The following FBXL14 variants were observed in gnomAD, a reference collection of about 807,000 sequenced individuals.
The protein encoded by FBXL14 is F-box and leucine rich repeat protein 14.
Under a neutral mutation model 24.5 loss-of-function variants are expected in FBXL14, and 11 were observed. The observed-to-expected ratio is 0.45, with a 90% CI of 0.28 to 0.74. The LOEUF (loss-of-function observed/expected upper bound fraction) is 0.74, where lower values mean the gene tolerates loss of function less well. Among genes scored for constraint, FBXL14 ranks in the 30% least tolerant of loss-of-function variants. The pLI is 0.12. For missense variants in FBXL14, 384 were observed against 545.6 expected, an observed-to-expected ratio of 0.70 and a Z score of 2.95; for synonymous variants, 294 against 240.4, an observed-to-expected ratio of 1.22 and a Z score of -2.06.
intron 1 of FBXL14, among the ~76,000 whole-genome samples, chr12:1,572,448 T>A (rs573577220): frequency 3.0e-4 from 46 of 152,356 alleles, no homozygotes; most frequent in African/African-American, 1.1e-3. Context: ...AAGAACATTT[T>A]GATTTGGCTT....
chr12:1,572,176 A>G (rs947464313), intron 1 of FBXL14, among the ~76,000 whole-genome samples: 1 of 152,250 alleles, frequency 6.6e-6, no homozygotes, highest in African/African-American at 2.4e-5. Flanking sequence ...AGGATAGAGC[A>G]TTTTAGGTGA....
Position 1,567,898 on chromosome 12 carries a change from C to T in FBXL14, c.1195-1088G>A, listed in dbSNP as rs1272862356. Among the ~76,000 whole-genome samples the T allele has an allele frequency of 3.3e-5, 5 of 152,100 alleles. No homozygotes were observed. Among genetic ancestry groups the T allele is most frequent in the South Asian group, 4.2e-4 (2 of 4,818 alleles). On this transcript the variant is annotated intron_variant, in intron 1 of 1. Transcript: ENST00000339235. This position sits in a 1 kb window ranked among gnomAD's most constrained non-coding sequence, Gnocchi z 4.8. ...ACCCACACGCACACGCGCGCACACACGTGCGCACACACACAGAACAGAATA... is the reference window on the plus strand; with the variant it reads ...ACCCACACGCACACGCGCGCACACATGTGCGCACACACACAGAACAGAATA...
intron 1 of FBXL14, among the ~76,000 whole-genome samples, chr12:1,578,798 C>T (rs776510833): frequency 4.6e-5 from 7 of 152,088 alleles, no homozygotes; most frequent in Non-Finnish European, 4.4e-5. Flanking sequence ...GGGGCGGCTT[C>T]GGAGCAGCTC....
intron 1 of FBXL14, among the ~76,000 whole-genome samples, chr12:1,568,420 T>C (rs1002313331): frequency 6.6e-6 from 1 of 152,168 alleles, no homozygotes; most frequent in African/African-American, 2.4e-5. Context: ...AGAAATTCTT[T>C]AGAGAGAAAG....
chr12:1,593,879 GGGAACAGCGACGGGTTGGCCCGGCGCA>G lies in FBXL14; in HGVS notation c.161_187del (p.Leu54_Phe62del). 6.2e-7 allele frequency: 1 copy of G among 1,610,692 alleles called. No homozygotes were observed. The highest frequency in any genetic ancestry group is 8.5e-7 in the Non-Finnish European group (1 of 1,179,658). On this transcript the variant is annotated inframe_deletion, in exon 1 of 2. Transcript: ENST00000339235. The surrounding 1 kb of genome is among the most constrained non-coding windows in gnomAD (Gnocchi z 7.4). ...GCGGATGCCCCGGGCCTGCAGGCTG[GGGAACAGCGACGGGTTGGCCCGGCGCA>G]GGTGCAGCTTGGCCTCCACCCCCCG... is the stretch of plus-strand genomic sequence containing the variant.
At chr12:1,592,188 A>ATG (rs1343675980) in intron 1 of FBXL14, among the ~76,000 whole-genome samples, 10 of 145,580 alleles carry the variant, frequency 6.9e-5, no homozygotes, top group South Asian at 4.2e-4. Context: ...AGACATATAT[A>ATG]TGTATATATA....
chr12:1,571,444 G>A (rs186023676), intron 1 of FBXL14, among the ~76,000 whole-genome samples: 82 of 152,244 alleles, frequency 5.4e-4, no homozygotes, highest in African/African-American at 1.6e-3. Flanking sequence ...CTGACCTCAG[G>A]TGATCCGCCT....
intron 1 of FBXL14, chr12:1,587,548 GA>G (rs1465122610): frequency 6.6e-6 from 1 of 152,130 alleles, no homozygotes; most frequent in African/African-American, 2.4e-5. Context: ...TGGAAAAGAG[GA>G]AAAAACTGAA....
In FBXL14 at chr12:1,594,049, T is replaced by C. The variant is rs780332709; in HGVS notation, c.18A>G (p.Ser6=). 6 of 1,531,244 alleles carry C rather than the reference T, an allele frequency of 3.9e-6. No homozygotes were observed. In the Admixed American group the frequency reaches 8.0e-5, roughly 20 times the overall value. 94.9% of individuals were successfully genotyped at this position (1,531,244 alleles called of 1,614,324 possible). A position where few individuals can be genotyped will look rare whatever the true frequency, so the allele number is the denominator to read the frequency against. The change falls in exon 1 of 2, where the codon TCA becomes TCG. Residue 6 remains serine (S), a synonymous_variant. Transcript: ENST00000339235. ...TGGCCAGCAGCTCCGGGAACAGGCATGAGATGTGGGTCTCCATCTTCCTCC... is the reference window on the plus strand; with the variant it reads ...TGGCCAGCAGCTCCGGGAACAGGCACGAGATGTGGGTCTCCATCTTCCTCC... The part of the protein sequence containing the change: METHI[S]CLFPELLAMI...
At chr12:1,582,452 G>A (rs759824329) in intron 1 of FBXL14, among the ~76,000 whole-genome samples, 4 of 152,084 alleles carry the variant, frequency 2.6e-5, no homozygotes, top group African/African-American at 9.7e-5. Context: ...AGGGTGATAC[G>A]TGTTTGCTTT....
At chr12:1,588,216 C>A (rs139407931) in intron 1 of FBXL14, among the ~76,000 whole-genome samples, 91 of 152,284 alleles carry the variant, frequency 6.0e-4, no homozygotes, top group African/African-American at 1.9e-3. Flanking sequence ...GGGCCACTAC[C>A]CTTTCCCTTT....
intron 1 of FBXL14, among the ~76,000 whole-genome samples, chr12:1,582,623 T>G (rs2094468922): frequency 6.6e-6 from 1 of 152,188 alleles, no homozygotes; most frequent in African/African-American, 2.4e-5. Context: ...GTGCCAGGAA[T>G]GAATGTAATT....
intron 1 of FBXL14, among the ~76,000 whole-genome samples, chr12:1,581,526 G>A (rs1026890131): frequency 8.5e-5 from 13 of 152,194 alleles, no homozygotes; most frequent in Admixed American, 2.6e-4. Flanking sequence ...GAGGAATGTC[G>A]GAGCCGGCCT....
chr12:1,572,562 C>G (rs779627846), intron 1 of FBXL14, among the ~76,000 whole-genome samples: 1 of 152,148 alleles, frequency 6.6e-6, no homozygotes, highest in African/African-American at 2.4e-5. Context: ...CCAGAGAGGC[C>G]GTGGTCTATC....
chr12:1,592,190 GTATATATATA>G (rs576737463), intron 1 of FBXL14, among the ~76,000 whole-genome samples: 4 of 139,068 alleles, frequency 2.9e-5, no homozygotes, highest in African/African-American at 1.1e-4. Flanking sequence ...ACATATATAT[GTATATATATA>G]TATATATAAT....
chr12:1,585,884 T>C (rs1278237751), intron 1 of FBXL14, among the ~76,000 whole-genome samples: 1 of 152,078 alleles, frequency 6.6e-6, no homozygotes, highest in African/African-American at 2.4e-5. Context: ...GTGGCAGGTA[T>C]TTATAGCATG....
intron 1 of FBXL14, among the ~76,000 whole-genome samples, chr12:1,573,728 G>A (rs1565582675): frequency 6.6e-6 from 1 of 152,178 alleles, no homozygotes; most frequent in African/African-American, 2.4e-5. Flanking sequence ...AATGAGGCCG[G>A]GCCTGGTGGC....
At chr12:1,584,954 T>C (rs933989732) in intron 1 of FBXL14, among the ~76,000 whole-genome samples, 4 of 152,250 alleles carry the variant, frequency 2.6e-5, no homozygotes, top group Non-Finnish European at 5.9e-5. Context: ...CGGGCTTAAC[T>C]GTTACAATTT....
At chr12:1,571,418 G>A (rs2094445324) in intron 1 of FBXL14, among the ~76,000 whole-genome samples, 1 of 152,084 alleles carries the variant, frequency 6.6e-6, no homozygotes, top group Non-Finnish European at 1.5e-5. Flanking sequence ...ATGTTGGTCA[G>A]GCTGGTCTCG....
Sources: allele counts gnomAD v4.1 joint callset (sites outside exome capture counted in the v4.1 genomes callset), GRCh38; gene constraint gnomAD v4.1.1; non-coding constraint Gnocchi (gnomAD v3.1); transcripts MANE v1.5; gene names NCBI Gene and HGNC (gene_info 2026-07-23, HGNC 2026-07-21).